The following NTM variants were observed in gnomAD, a reference collection of about 807,000 sequenced individuals.
The protein encoded by NTM is neurotrimin.
NTM carries 13 observed loss-of-function variants against 42.1 expected under a neutral mutation model. That is an observed-to-expected ratio of 0.31 (90% CI 0.20 to 0.49). The LOEUF (loss-of-function observed/expected upper bound fraction) is 0.49, where lower values mean the gene tolerates loss of function less well. NTM is among the 20% of genes least tolerant of loss of function. The pLI is 0.99. For missense variants in NTM, 373 were observed against 452.8 expected (o/e 0.82, Z 1.60); for synonymous variants, 187 against 179.2 (o/e 1.04, Z -0.35).
intron 1 of NTM, among the ~76,000 whole-genome samples, chr11:131,378,284 C>T (rs1382966299): frequency 1.3e-5 from 2 of 152,176 alleles, no homozygotes; most frequent in Non-Finnish European, 2.9e-5. Context: ...TTTTCTCACT[C>T]TAAAATAAAA....
chr11:131,831,582 G>T (rs61903573), intron 1 of NTM, among the ~76,000 whole-genome samples: 12,352 of 152,164 alleles, frequency 0.081, 690 homozygotes, highest in Middle Eastern at 0.13. Flanking sequence ...TTTGTACAGT[G>T]TTCATGCCAC....
intron 1 of NTM, among the ~76,000 whole-genome samples, chr11:131,411,821 T>C (rs1946460898): frequency 6.6e-6 from 1 of 152,172 alleles, no homozygotes; most frequent in Admixed American, 6.5e-5. Flanking sequence ...TTCTTTGTAC[T>C]TCTTTCCCAA....
intron 6 of NTM, among the ~76,000 whole-genome samples, chr11:132,313,925 C>G (rs527571151): frequency 1.3e-5 from 2 of 152,216 alleles, no homozygotes; most frequent in African/African-American, 4.8e-5. Context: ...GACTAATCCT[C>G]TATAACAGTC....
chr11:131,901,456 C>T (rs1379784259), intron 1 of NTM, among the ~76,000 whole-genome samples: 3 of 152,168 alleles, frequency 2.0e-5, no homozygotes, highest in Non-Finnish European at 2.9e-5. Context: ...GTTTTAATTA[C>T]TTAAGGGAAC....
chr11:131,874,323 C>G (rs2048280857), intron 1 of NTM, among the ~76,000 whole-genome samples: 1 of 151,510 alleles, frequency 6.6e-6, no homozygotes, highest in African/African-American at 2.4e-5. Context: ...TGCTTGTCAT[C>G]CTGGTTTTAA....
rs1453394171 is a variant in NTM, at chr11:132,335,825, G to C, written c.*679G>C. On this transcript the variant is annotated 3_prime_UTR_variant, in exon 9 of 9. Coordinates refer to ENST00000683400, the MANE Select transcript of NTM (RefSeq NM_001352005.2). ...TCATTAATTATATTTTCTGATATGA[G>C]TCTAGAACTTACTGCAAAAACAAGA... 1 of 151,764 alleles carries C rather than the reference G, an allele frequency of 6.6e-6. No homozygotes were observed. The highest frequency in any genetic ancestry group is 1.5e-5 in the Non-Finnish European group (1 of 67,948). The allele number at this position is 151,764 out of a possible 1,614,324, so 9.4% of individuals were successfully genotyped here. A position where few individuals can be genotyped will look rare whatever the true frequency, so the allele number is the denominator to read the frequency against.
At chr11:132,218,443 T>C (rs1436085165) in intron 4 of NTM, among the ~76,000 whole-genome samples, 1 of 152,222 alleles carries the variant, frequency 6.6e-6, no homozygotes, top group East Asian at 1.9e-4. Context: ...ATTAACTCTT[T>C]AGTCTTGGCT....
At chr11:132,198,126 G>T (rs180828642) in intron 3 of NTM, among the ~76,000 whole-genome samples, 175 of 152,240 alleles carry the variant, frequency 1.1e-3, no homozygotes, top group African/African-American at 4.0e-3. Context: ...CAGTGTAAAA[G>T]TATTGTTATT....
At chr11:131,615,600 C>T (rs530945171) in intron 1 of NTM, among the ~76,000 whole-genome samples, 2 of 152,204 alleles carry the variant, frequency 1.3e-5, no homozygotes, top group Admixed American at 6.5e-5. Context: ...AAACTCCTGA[C>T]CTCAAGTGAT....
intron 3 of NTM, among the ~76,000 whole-genome samples, chr11:132,197,330 A>T (rs2080394216): frequency 6.6e-6 from 1 of 152,144 alleles, no homozygotes. Flanking sequence ...AGATTGGGGA[A>T]AATGATTCTA....
At chr11:131,620,812 G>T (rs1323943180) in intron 1 of NTM, among the ~76,000 whole-genome samples, 3 of 152,148 alleles carry the variant, frequency 2.0e-5, no homozygotes, top group African/African-American at 7.2e-5. Context: ...TCTATTATCT[G>T]TCACTTAGGC....
At chr11:131,468,368 T>C (rs887977306) in intron 1 of NTM, among the ~76,000 whole-genome samples, 6 of 152,266 alleles carry the variant, frequency 3.9e-5, no homozygotes, top group Middle Eastern at 3.2e-3. Context: ...CGGTGCTTAA[T>C]GAATGCAGCA....
intron 1 of NTM, among the ~76,000 whole-genome samples, chr11:131,898,559 C>T (rs1289291896): frequency 6.6e-6 from 1 of 152,198 alleles, no homozygotes; most frequent in Admixed American, 6.5e-5. Context: ...ACATTCATCT[C>T]TTCCAGCAGT....
intron 2 of NTM, among the ~76,000 whole-genome samples, chr11:131,914,732 G>T (rs143277433): frequency 2.0e-5 from 3 of 152,244 alleles, no homozygotes; most frequent in African/African-American, 7.2e-5. Flanking sequence ...CTGCCCTCCC[G>T]CTGGCATTCT....
chr11:131,875,977 G>A (rs1429571448), intron 1 of NTM, among the ~76,000 whole-genome samples: 1 of 152,244 alleles, frequency 6.6e-6, no homozygotes, highest in Non-Finnish European at 1.5e-5. Flanking sequence ...GCAAGGGAGA[G>A]TCGGGCCCAG....
At chr11:131,970,358 C>G (rs1465369162) in intron 2 of NTM, among the ~76,000 whole-genome samples, 1 of 152,250 alleles carries the variant, frequency 6.6e-6, no homozygotes, top group Non-Finnish European at 1.5e-5. Context: ...TCTTGCCACT[C>G]TGCACCAGGT....
At chr11:132,204,122 C>A (rs1331830499) in intron 3 of NTM, among the ~76,000 whole-genome samples, 1 of 152,140 alleles carries the variant, frequency 6.6e-6, no homozygotes, top group Non-Finnish European at 1.5e-5. Flanking sequence ...TAGACCTGGG[C>A]AGTTGGTTGC....
At chr11:131,552,532 G>GGTAGA (rs2054829943) in intron 1 of NTM, among the ~76,000 whole-genome samples, 1 of 149,170 alleles carries the variant, frequency 6.7e-6, no homozygotes. Context: ...ATACCCTCAA[G>GGTAGA]AGGCCGAGCG....
intron 1 of NTM, among the ~76,000 whole-genome samples, chr11:131,730,128 C>A (rs1479135250): frequency 2.0e-5 from 3 of 152,178 alleles, no homozygotes; most frequent in Non-Finnish European, 4.4e-5. Context: ...TGATCACCAT[C>A]CTAGTGGGTG....
Sources: allele counts gnomAD v4.1 joint callset (sites outside exome capture counted in the v4.1 genomes callset), GRCh38; gene constraint gnomAD v4.1.1; transcripts MANE v1.5; gene names NCBI Gene and HGNC (gene_info 2026-07-23, HGNC 2026-07-21).